Variants in METTL15 observed in about 807,000 individuals in gnomAD.
METTL15 encodes the protein methyltransferase 15, mitochondrial 12S rRNA N4-cytidine.
In METTL15, 34 loss-of-function variants were observed where a neutral mutation model predicts 38.3. The ratio of observed to expected loss-of-function variants is 0.89; its 90% CI spans 0.68 to 1.18. The LOEUF (loss-of-function observed/expected upper bound fraction) is 1.18, where lower values mean the gene tolerates loss of function less well. METTL15 is among the 50% of genes most tolerant of loss of function. The pLI is 0.00. For missense variants in METTL15, 438 were observed against 498.4 expected (o/e 0.88, Z 1.15); for synonymous variants, 162 against 170.9 (o/e 0.95, Z 0.41).
intron 3 of METTL15, among the ~76,000 whole-genome samples, chr11:28,350,650 C>A (rs903363803): frequency 6.6e-6 from 1 of 152,132 alleles, no homozygotes; most frequent in Non-Finnish European, 1.5e-5. Context: ...GGTCAAGCAC[C>A]TGACCCCAAA....
At chr11:28,507,597 G>A (rs181774443) in intron 6 of METTL15, among the ~76,000 whole-genome samples, 1 of 152,056 alleles carries the variant, frequency 6.6e-6, no homozygotes, top group African/African-American at 2.4e-5. Flanking sequence ...TAAACTTAAT[G>A]CTTCCAGTAC....
Position 28,375,579 on chromosome 11 carries a change from G to A in METTL15, c.*358+13543G>A, listed in dbSNP as rs528581317. On this transcript the variant is annotated intron_variant and NMD_transcript_variant, in intron 5 of 7. Coordinates refer to the METTL15 transcript ENST00000532947. ...TCTTTTTTTCTTTATTAGTCTTGCTGGCAGTCTATCAATTTTGTTGATCCT... is the reference window on the plus strand; with the variant it reads ...TCTTTTTTTCTTTATTAGTCTTGCTAGCAGTCTATCAATTTTGTTGATCCT... Among the ~76,000 whole-genome samples the A allele has an allele frequency of 6.6e-5, 10 of 151,856 alleles. No individual in the cohort carries two copies. The South Asian group carries it at 8.3e-4, about 13-fold the overall frequency.
intron 3 of METTL15, among the ~76,000 whole-genome samples, chr11:28,196,857 G>A (rs894622581): frequency 5.7e-4 from 86 of 151,788 alleles, no homozygotes; most frequent in African/African-American, 1.9e-3. Context: ...AATAAGTCAG[G>A]GTACCAATAT....
At chr11:28,126,184 G>C (rs1852477568) in intron 3 of METTL15, among the ~76,000 whole-genome samples, 1 of 152,092 alleles carries the variant, frequency 6.6e-6, no homozygotes. Context: ...TTGTTATTCA[G>C]ATGTTACCTT....
At chr11:28,486,508 C>G (rs1851440754) in intron 6 of METTL15, among the ~76,000 whole-genome samples, 1 of 151,834 alleles carries the variant, frequency 6.6e-6, no homozygotes. Flanking sequence ...TTTCTACTGT[C>G]TGTGCCAATG....
chr11:28,186,921 C>T (rs941172123), intron 3 of METTL15, among the ~76,000 whole-genome samples: 1 of 151,018 alleles, frequency 6.6e-6, no homozygotes, highest in East Asian at 1.9e-4. Context: ...TACTAAATCA[C>T]TGTCAAACAC....
intron 6 of METTL15, among the ~76,000 whole-genome samples, chr11:28,467,799 C>T: frequency 6.6e-6 from 1 of 151,922 alleles, no homozygotes; most frequent in Non-Finnish European, 1.5e-5. Flanking sequence ...TTTTTGGATG[C>T]AATATGCACA....
At chr11:28,231,705 G>C (rs780477572) in intron 4 of METTL15, among the ~76,000 whole-genome samples, 1 of 151,606 alleles carries the variant, frequency 6.6e-6, no homozygotes, top group African/African-American at 2.4e-5. Context: ...GTTTATTTAC[G>C]TAGCGTTATT....
chr11:28,435,474 T>C (rs1406155829), intron 6 of METTL15, among the ~76,000 whole-genome samples: 1 of 152,170 alleles, frequency 6.6e-6, no homozygotes, highest in Admixed American at 6.5e-5. Flanking sequence ...TCGTTCTGCT[T>C]TCTGGGAATG....
At chr11:28,335,480 G>C (rs1003057630), downstream of METTL15, among the ~76,000 whole-genome samples, 10 of 152,146 alleles carry the variant, frequency 6.6e-5, no homozygotes, top group African/African-American at 2.4e-4. Context: ...TTTATGAACT[G>C]AAAGTTCTAA....
At chr11:28,453,585 G>C (rs1353232275) in intron 6 of METTL15, among the ~76,000 whole-genome samples, 5 of 152,214 alleles carry the variant, frequency 3.3e-5, no homozygotes, top group Non-Finnish European at 7.3e-5. Context: ...TAGAGCATGT[G>C]TTTCTACTGG....
chr11:28,253,442 CTT>C (rs765783796), intron 4 of METTL15, among the ~76,000 whole-genome samples: 25 of 152,110 alleles, frequency 1.6e-4, no homozygotes, highest in Non-Finnish European at 3.4e-4. Flanking sequence ...AGCATTTATT[CTT>C]TGAGTGAAAA....
chr11:28,339,313 C>T (rs1209443407), intron 3 of METTL15, among the ~76,000 whole-genome samples: 1 of 151,752 alleles, frequency 6.6e-6, no homozygotes, highest in Admixed American at 6.6e-5. Flanking sequence ...AAAAGATACC[C>T]ATGAGGGATT....
At chr11:28,348,262 T>C (rs7949176) in intron 3 of METTL15, among the ~76,000 whole-genome samples, 7,794 of 152,302 alleles carry the variant, frequency 0.051, 694 homozygotes, top group African/African-American at 0.18. Flanking sequence ...TTGGGTTAAT[T>C]ATTATGATTA....
chr11:28,397,730 T>C (rs987077349), intron 5 of METTL15, among the ~76,000 whole-genome samples: 5 of 152,098 alleles, frequency 3.3e-5, no homozygotes, highest in South Asian at 4.1e-4. Flanking sequence ...CCAGCCATCC[T>C]ATTACTGAGT....
intron 6 of METTL15, among the ~76,000 whole-genome samples, chr11:28,430,249 G>A (rs1420458772): frequency 6.8e-6 from 1 of 147,402 alleles, no homozygotes; most frequent in Non-Finnish European, 1.5e-5. Context: ...CCCCCGCCAG[G>A]CCAGCCGCCC....
intron 4 of METTL15, among the ~76,000 whole-genome samples, chr11:28,223,883 G>A (rs1216698013): frequency 6.6e-6 from 1 of 151,978 alleles, no homozygotes; most frequent in Non-Finnish European, 1.5e-5. Context: ...GTGGAAGATG[G>A]ATATTGGAAG....
At chr11:28,365,495 A>G (rs1850176952) in intron 5 of METTL15, among the ~76,000 whole-genome samples, 1 of 152,024 alleles carries the variant, frequency 6.6e-6, no homozygotes, top group Non-Finnish European at 1.5e-5. Context: ...GATTGTTTGT[A>G]TTTCTATGGG....
At chr11:28,380,040 G>A (rs758809089) in intron 5 of METTL15, among the ~76,000 whole-genome samples, 9 of 151,100 alleles carry the variant, frequency 6.0e-5, no homozygotes, top group Non-Finnish European at 1.3e-4. Context: ...TCTTTTTTTG[G>A]TTTATTTCCA....
Sources: gnomAD v4.1 joint callset for allele counts (sites outside exome capture counted in the v4.1 genomes callset) on GRCh38, gnomAD v4.1.1 for gene constraint, MANE v1.5 for transcripts, NCBI Gene and HGNC (gene_info 2026-07-23, HGNC 2026-07-21) for gene names.